Variants in LNX1 observed in about 807,000 individuals in gnomAD.
LNX1 encodes the protein ligand of numb-protein X 1.
LNX1 carries 54 observed loss-of-function variants against 68.4 expected under a neutral mutation model. The observed-to-expected ratio is 0.79, with a 90% confidence interval of 0.63 to 0.99. The LOEUF (loss-of-function observed/expected upper bound fraction) is 0.99, where lower values mean the gene tolerates loss of function less well. LNX1 is among the 50% of genes least tolerant of loss of function. The pLI is 0.00. For missense variants in LNX1, 906 were observed against 926.4 expected, an observed-to-expected ratio of 0.98 and a Z score of 0.29; for synonymous variants, 336 against 350.0, an observed-to-expected ratio of 0.96 and a Z score of 0.45.
intron 1 of LNX1, among the ~76,000 whole-genome samples, chr4:53,624,233 C>T (rs1733991889): frequency 6.6e-6 from 1 of 152,088 alleles, no homozygotes; most frequent in Non-Finnish European, 1.5e-5. Context: ...TGGCTGTGTC[C>T]CCACCCAAAT....
chr4:53,537,149 G>T (rs1014513873), intron 2 of LNX1, among the ~76,000 whole-genome samples: 1 of 152,158 alleles, frequency 6.6e-6, no homozygotes, highest in Non-Finnish European at 1.5e-5. Flanking sequence ...TTAATTTGCC[G>T]TAAGACATAT....
At chr4:53,503,055 C>T (rs562643740) in intron 4 of LNX1, among the ~76,000 whole-genome samples, 12 of 152,146 alleles carry the variant, frequency 7.9e-5, no homozygotes, top group Non-Finnish European at 1.2e-4. Context: ...CTCAGCCTCC[C>T]GGAATTTGGT....
intron 2 of LNX1, among the ~76,000 whole-genome samples, chr4:53,607,008 A>G (rs1302952807): frequency 1.3e-5 from 2 of 152,230 alleles, no homozygotes; most frequent in African/African-American, 4.8e-5. Context: ...ATCATACTGA[A>G]TGGGCATAAA....
At chr4:53,462,058 CTTTT>C (rs1208267117) in intron 9 of LNX1, among the ~76,000 whole-genome samples, 3 of 152,022 alleles carry the variant, frequency 2.0e-5, no homozygotes, top group African/African-American at 7.2e-5. Flanking sequence ...AATTCGTATA[CTTTT>C]TTTGACCTTG....
chr4:53,639,020 A>G (rs1296776770), intron 1 of LNX1, among the ~76,000 whole-genome samples: 3 of 152,192 alleles, frequency 2.0e-5, no homozygotes, highest in Non-Finnish European at 4.4e-5. Flanking sequence ...TTCTACCAAA[A>G]AGACACATAC....
At chr4:53,549,843 T>A (rs2109693609) in intron 2 of LNX1, among the ~76,000 whole-genome samples, 2 of 152,298 alleles carry the variant, frequency 1.3e-5, no homozygotes, top group East Asian at 3.9e-4. Flanking sequence ...CATGAAGCGG[T>A]CAGTGAGATT....
At chr4:53,610,644 C>A (rs1473467139) in intron 2 of LNX1, among the ~76,000 whole-genome samples, 10 of 144,776 alleles carry the variant, frequency 6.9e-5, no homozygotes, top group Admixed American at 1.5e-4. Flanking sequence ...GGAGGCAGAG[C>A]CTGCAGTGAG....
chr4:53,468,717 C>A (rs1427055466), intron 9 of LNX1, among the ~76,000 whole-genome samples: 1 of 152,062 alleles, frequency 6.6e-6, no homozygotes, highest in Non-Finnish European at 1.5e-5. Flanking sequence ...AGACTTTAAA[C>A]CAACAAAGAT....
At chr4:53,585,257 AC>A (rs1406607575) in intron 1 of LNX1, among the ~76,000 whole-genome samples, 1 of 152,204 alleles carries the variant, frequency 6.6e-6, no homozygotes, top group African/African-American at 2.4e-5. Flanking sequence ...CCTTTAGAGT[AC>A]AAAACACTTA....
chr4:53,564,038 G>A (rs1730465427), intron 2 of LNX1, among the ~76,000 whole-genome samples: 3 of 152,230 alleles, frequency 2.0e-5, no homozygotes, highest in African/African-American at 7.2e-5. Context: ...CCTCTCCAGA[G>A]AGCTGCTGTG....
rs1288756374 is a variant in LNX1 at position 53,617,260 on chromosome 4, A to G, written c.-296T>C. ...TTTGAGACCTCACCTTTTGCAGGGA[A>G]GAATCTGAGTCATATTTCAAATCTC... On this transcript the variant is annotated 5_prime_UTR_variant, in exon 1 of 4. Transcript: ENST00000504299. The G allele has an allele frequency of 5.3e-5, 8 of 152,180 alleles. No homozygotes were observed. In the East Asian group the frequency reaches 1.3e-3, roughly 26 times the overall value. The allele number at this position is 152,180 out of a possible 1,614,324, so 9.4% of individuals were successfully genotyped here.
chr4:53,520,354 G>A (rs1475901438), intron 2 of LNX1, among the ~76,000 whole-genome samples: 3 of 152,210 alleles, frequency 2.0e-5, no homozygotes, highest in Non-Finnish European at 4.4e-5. Flanking sequence ...GAATTCCAAA[G>A]CCACAACCAG....
upstream of LNX1, among the ~76,000 whole-genome samples, chr4:53,592,324 T>C (rs1410073704): frequency 1.3e-5 from 2 of 152,184 alleles, no homozygotes; most frequent in Non-Finnish European, 2.9e-5. Flanking sequence ...GCGTGGTGTG[T>C]GACCCTGGAC....
In LNX1 at chr4:53,580,745, A is replaced by G. The variant is rs539201293; in HGVS notation, c.-86-6657T>C. Among the ~76,000 whole-genome samples the G allele has an allele frequency of 9.2e-5, 14 of 152,358 alleles. No homozygotes were observed. In the East Asian group the frequency reaches 2.7e-3, roughly 29 times the overall value. Reference sequence around the variant, plus strand: ...ACAGAAGATAGTCTTCAGTGGCTAAATAGTTCAGTACTGGAACTCATAATG... The same window carrying G: ...ACAGAAGATAGTCTTCAGTGGCTAAGTAGTTCAGTACTGGAACTCATAATG... On this transcript the variant is annotated intron_variant, in intron 1 of 10. Transcript: ENST00000263925.
At chr4:53,540,225 AT>A (rs1728653242) in intron 2 of LNX1, among the ~76,000 whole-genome samples, 1 of 152,022 alleles carries the variant, frequency 6.6e-6, no homozygotes, top group African/African-American at 2.4e-5. Flanking sequence ...CTAAAAAAAA[AT>A]ACAAAAATTA....
At chr4:53,602,111 A>G (rs528511057) in intron 2 of LNX1, among the ~76,000 whole-genome samples, 2 of 152,272 alleles carry the variant, frequency 1.3e-5, no homozygotes, top group South Asian at 2.1e-4. Context: ...ACAGAGTGAG[A>G]AATAGAAACT....
intron 9 of LNX1, among the ~76,000 whole-genome samples, chr4:53,469,245 G>T (rs539529634): frequency 3.1e-4 from 47 of 152,258 alleles, no homozygotes; most frequent in African/African-American, 1.0e-3. Context: ...TGACTACTAG[G>T]TACATAACGA....
intron 2 of LNX1, chr4:53,549,624 A>T (rs1411377480): frequency 1.3e-5 from 2 of 152,018 alleles, no homozygotes; most frequent in East Asian, 3.9e-4. Flanking sequence ...CTTTAGAGAT[A>T]GGTGCTGAAA....
intron 2 of LNX1, among the ~76,000 whole-genome samples, chr4:53,605,533 A>T (rs1488273138): frequency 6.6e-6 from 1 of 152,100 alleles, no homozygotes; most frequent in Non-Finnish European, 1.5e-5. Flanking sequence ...AGATCTCTAG[A>T]CTTATCCACT....
Sources: gnomAD v4.1 joint callset for allele counts (sites outside exome capture counted in the v4.1 genomes callset) on GRCh38, gnomAD v4.1.1 for gene constraint, MANE v1.5 for transcripts, NCBI Gene and HGNC (gene_info 2026-07-23, HGNC 2026-07-21) for gene names.